CD109: variants seen among roughly 807,000 people sequenced by gnomAD.
CD109 encodes CD109 molecule.
Under a neutral mutation model 165.8 loss-of-function variants are expected in CD109, and 149 were observed. That is an observed-to-expected ratio of 0.90 (90% CI 0.79 to 1.03). CD109 has a LOEUF of 1.03. Ranked by LOEUF, CD109 falls within the 50% of genes least tolerant of loss-of-function variation. The pLI is 0.00. For missense variants in CD109, 1,712 were observed against 1,677.8 expected (o/e 1.02, Z -0.36); for synonymous variants, 585 against 592.1 (o/e 0.99, Z 0.18).
intron 2 of CD109, among the ~76,000 whole-genome samples, chr6:73,708,001 TA>T (rs1562021924): frequency 1.4e-4 from 15 of 104,314 alleles, no homozygotes; most frequent in African/African-American, 4.8e-4. Flanking sequence ...TATATATATA[TA>T]TATATATTTA....
intron 2 of CD109, among the ~76,000 whole-genome samples, chr6:73,717,364 G>A (rs529300505): frequency 4.1e-4 from 62 of 151,882 alleles, no homozygotes; most frequent in African/African-American, 1.4e-3. Flanking sequence ...ATTGCTTTAG[G>A]CAGCATGGAC....
chr6:73,724,489 A>G (rs962244205), intron 3 of CD109, among the ~76,000 whole-genome samples: 1 of 152,202 alleles, frequency 6.6e-6, no homozygotes, highest in African/African-American at 2.4e-5. Flanking sequence ...AGCATCCAAC[A>G]TCAGGTGCAG....
rs751646436 is a variant in CD109 at position 73,730,446 on chromosome 6, A to G, written c.379A>G (p.Lys127Glu). 3 of 1,613,586 alleles carry G rather than the reference A, an allele frequency of 1.9e-6. No individual in the cohort carries two copies. The highest frequency in any genetic ancestry group is 1.1e-5 in the South Asian group (1 of 91,074). The change falls in exon 4 of 33, where the codon AAG becomes GAG. Residue 127 changes from lysine to glutamate, a missense_variant. Transcript: ENST00000287097. The stretch of plus-strand genomic sequence containing the variant: ...TAGTACCCGCTTATCATTTGAGACC[A>G]AGAGAATATCTGTCTTCATTCAAAC... The part of the protein sequence containing the change: ...SNSTRLSFET[K>E]RISVFIQTDK...
intron 26 of CD109, 127 bp downstream of exon 26, chr6:73,808,375 G>T: frequency 1.1e-6 from 1 of 922,404 alleles, no homozygotes. Context: ...AACACATAAT[G>T]AGATCAGGAT....
chr6:73,823,182 G>A (rs2150314888), intron 32 of CD109, among the ~76,000 whole-genome samples: 1 of 152,332 alleles, frequency 6.6e-6, no homozygotes, highest in Middle Eastern at 3.4e-3. Flanking sequence ...AGTGGTGCTT[G>A]TGATTGCAGT....
Position 73,766,933 on chromosome 6 carries a change from A to G in CD109, c.1435-15A>G, listed in dbSNP as rs1427934889. 1.2e-6 allele frequency: 2 copies of G among 1,612,890 alleles called. No homozygotes were observed. The highest frequency in any genetic ancestry group is 1.3e-5 in the African/African-American group (1 of 74,976). ...TGCTTTTGATATGTACATATTAATT[A>G]AGGTTTTTTTCTAGGTGGGATCGCC... On this transcript the variant is annotated splice_polypyrimidine_tract_variant and intron_variant, in intron 12 of 32. Coordinates refer to ENST00000287097, the MANE Select transcript of CD109 (RefSeq NM_133493.5).
At chr6:73,679,516 G>GTTTC in the CD109 span, among the ~76,000 whole-genome samples, 6 of 151,446 alleles carry the variant, frequency 4.0e-5, no homozygotes, top group Non-Finnish European at 8.8e-5. Flanking sequence ...TTATCAAGCA[G>GTTTC]GGAAAGGCAG....
At chr6:73,683,445 A>G in the CD109 span, among the ~76,000 whole-genome samples, 2 of 152,170 alleles carry the variant, frequency 1.3e-5, no homozygotes, top group African/African-American at 2.4e-5. Context: ...TTCATTGTGC[A>G]TATCACTATC....
At chr6:73,738,094 G>T (rs1023290208) in intron 5 of CD109, among the ~76,000 whole-genome samples, 4 of 152,212 alleles carry the variant, frequency 2.6e-5, no homozygotes, top group South Asian at 2.1e-4. Context: ...AAAATTAAAT[G>T]ACATAAGGGG....
intron 14 of CD109, among the ~76,000 whole-genome samples, chr6:73,770,320 G>A (rs1274493774): frequency 6.6e-6 from 1 of 152,204 alleles, no homozygotes; most frequent in African/African-American, 2.4e-5. Context: ...GGGAGCTCAG[G>A]GGCTTATAGT....
At position 73,821,051 on chromosome 6, in the gene CD109, C is replaced by T. The variant is rs1036036409; in HGVS notation, c.4162+488C>T. Among the ~76,000 whole-genome samples, 43 of 152,154 alleles carry T rather than the reference C, an allele frequency of 2.8e-4. 1 individual carries two copies. Among genetic ancestry groups the T allele is most frequent in the Admixed American group, 2.4e-3 (37 of 15,274 alleles). On this transcript the variant is annotated intron_variant, in intron 32 of 32. Transcript: ENST00000287097. ...CTGGAAACCATTCTCAGCAAACTAT[C>T]GCAAGGACAAAAAACCAAATGCTGC...
the CD109 span, among the ~76,000 whole-genome samples, chr6:73,682,325 G>A: frequency 6.6e-6 from 1 of 152,044 alleles, no homozygotes; most frequent in Non-Finnish European, 1.5e-5. Flanking sequence ...CAAAACAAAG[G>A]GGCTACACGT....
At chr6:73,688,604 C>A in the CD109 span, among the ~76,000 whole-genome samples, 1 of 151,900 alleles carries the variant, frequency 6.6e-6, no homozygotes, top group South Asian at 2.1e-4. Flanking sequence ...AGGCTGGTCA[C>A]CAGAAAGACC....
chr6:73,725,056 T>G (rs947435975), intron 3 of CD109, among the ~76,000 whole-genome samples: 5 of 152,206 alleles, frequency 3.3e-5, no homozygotes, highest in Non-Finnish European at 7.3e-5. Flanking sequence ...ATATTTGTAC[T>G]TTCTTTCCTA....
chr6:73,711,143 A>G (rs2150156055), intron 2 of CD109, among the ~76,000 whole-genome samples: 1 of 152,250 alleles, frequency 6.6e-6, no homozygotes, highest in African/African-American at 2.4e-5. Flanking sequence ...AGCAGCCAAG[A>G]ACCTTGCTTG....
intron 3 of CD109, among the ~76,000 whole-genome samples, chr6:73,729,398 C>T (rs1324424626): frequency 6.6e-6 from 1 of 151,416 alleles, no homozygotes; most frequent in Non-Finnish European, 1.5e-5. Context: ...AGAATATCCA[C>T]CTGAGGGATT....
At chr6:73,814,022 C>T (rs138409862) in intron 29 of CD109, among the ~76,000 whole-genome samples, 3 of 151,898 alleles carry the variant, frequency 2.0e-5, no homozygotes, top group African/African-American at 4.8e-5. Context: ...CCAGAAGGAT[C>T]GAGTGGATGA....
chr6:73,827,292 T>C lies in CD109; in HGVS notation c.*3659T>C, dbSNP rs560259219. On this transcript the variant is annotated 3_prime_UTR_variant, in exon 33 of 33. Transcript: ENST00000287097. ...CATTGGTTTTTTGCGCATTGTAAAT[T>C]TAAGACACTTATAGTAAGTGGACTC... 12 of 152,260 alleles carry C rather than the reference T, an allele frequency of 7.9e-5. No individual in the cohort carries two copies. The highest frequency in any genetic ancestry group is 2.9e-4 in the African/African-American group (12 of 41,546). 9.4% of individuals were successfully genotyped at this position (152,260 alleles called of 1,614,324 possible). A position where few individuals can be genotyped will look rare whatever the true frequency, so the allele number is the denominator to read the frequency against.
At chr6:73,740,843 G>A (rs1373247582) in intron 5 of CD109, among the ~76,000 whole-genome samples, 6 of 151,714 alleles carry the variant, frequency 4.0e-5, no homozygotes, top group African/African-American at 7.3e-5. Context: ...CACCCTACTC[G>A]GCCTCCCAAA....
Sources: gnomAD v4.1 joint callset for allele counts (sites outside exome capture counted in the v4.1 genomes callset) on GRCh38, gnomAD v4.1.1 for gene constraint, MANE v1.5 for transcripts, NCBI Gene and HGNC (gene_info 2026-07-23, HGNC 2026-07-21) for gene names.